Variants in PANK1 observed in about 807,000 individuals in gnomAD.
PANK1 encodes the protein pantothenate kinase 1, also known as pantothenic acid kinase 1.
Under a neutral mutation model 40.1 loss-of-function variants are expected in PANK1, and 18 were observed. The observed-to-expected ratio is 0.45, with a 90% CI of 0.31 to 0.67. PANK1 has a LOEUF of 0.67. PANK1 is among the 30% of genes least tolerant of loss of function. The pLI is 0.06. For missense variants in PANK1, 457 were observed against 599.6 expected, an observed-to-expected ratio of 0.76 and a Z score of 2.48; for synonymous variants, 242 against 237.7, an observed-to-expected ratio of 1.02 and a Z score of -0.17.
chr10:89,600,975 T>C (rs1844762757), intron 2 of PANK1, among the ~76,000 whole-genome samples: 1 of 152,210 alleles, frequency 6.6e-6, no homozygotes, highest in African/African-American at 2.4e-5. Flanking sequence ...GTTGGTACTA[T>C]CAACCTTATT....
chr10:89,589,496 A>G (rs1415920743), intron 5 of PANK1, among the ~76,000 whole-genome samples: 1 of 152,080 alleles, frequency 6.6e-6, no homozygotes, highest in Non-Finnish European at 1.5e-5. Flanking sequence ...GATATTTCTT[A>G]AGCTCAAACT....
chr10:89,602,248 G>A (rs985351604), intron 2 of PANK1, among the ~76,000 whole-genome samples: 5 of 152,088 alleles, frequency 3.3e-5, no homozygotes, highest in African/African-American at 7.3e-5. Flanking sequence ...AATAATCTAC[G>A]TACGTACTAG....
chr10:89,643,443 C>G (rs1842022566), intron 1 of PANK1, among the ~76,000 whole-genome samples: 1 of 152,170 alleles, frequency 6.6e-6, no homozygotes, highest in African/African-American at 2.4e-5. Flanking sequence ...ACAAATTTAA[C>G]ATTTCAAACC....
chr10:89,643,105 A>G (rs1842013372), intron 1 of PANK1, among the ~76,000 whole-genome samples: 1 of 152,190 alleles, frequency 6.6e-6, no homozygotes, highest in African/African-American at 2.4e-5. Flanking sequence ...GAGGTGTTAT[A>G]TCCTCAATTA....
chr10:89,642,928 C>A (rs2133040129), intron 1 of PANK1, among the ~76,000 whole-genome samples: 1 of 152,206 alleles, frequency 6.6e-6, no homozygotes, highest in South Asian at 2.1e-4. Context: ...GAAACATAAA[C>A]CACTTTAATT....
At chr10:89,618,988 A>G (rs1170615824) in intron 1 of PANK1, among the ~76,000 whole-genome samples, 1 of 152,216 alleles carries the variant, frequency 6.6e-6, no homozygotes, top group East Asian at 1.9e-4. Context: ...ATACCCCTAA[A>G]TCAAAATCCT....
chr10:89,588,742 G>C lies in PANK1; in HGVS notation c.1236C>G (p.Leu412=), dbSNP rs772539799. 5 of 1,602,964 alleles carry C rather than the reference G, an allele frequency of 3.1e-6. No individual in the cohort carries two copies. The highest frequency in any genetic ancestry group is 1.1e-5 in the South Asian group (1 of 88,916). The part of the protein sequence containing the change: ...IDRVVFVGNF[L]RINMVSMKLL... ...GCTTCATGGAGACCATATTGATTCTGAGAAAATTTCCAACAAACACAACTC... is the reference window on the plus strand; with the variant it reads ...GCTTCATGGAGACCATATTGATTCTCAGAAAATTTCCAACAAACACAACTC... Residue 412 remains leucine, a synonymous_variant, in exon 6 of 7, where the codon CTC becomes CTG. Coordinates refer to ENST00000307534, the MANE Select transcript of PANK1 (RefSeq NM_148977.3).
chr10:89,615,662 C>A (rs11185794), intron 1 of PANK1, among the ~76,000 whole-genome samples: 23,039 of 152,104 alleles, frequency 0.15, 2,176 homozygotes, highest in East Asian at 0.45. Context: ...CTCAGCTTCT[C>A]AAAGGAACTA....
chr10:89,580,780 G>A (rs760062302), downstream of PANK1: 1 of 152,098 alleles, frequency 6.6e-6, no homozygotes, highest in Non-Finnish European at 1.5e-5. Flanking sequence ...CCAGACACTG[G>A]CCTCTTTGCA....
At chr10:89,623,163 T>C (rs1310235186) in intron 1 of PANK1, among the ~76,000 whole-genome samples, 2 of 152,070 alleles carry the variant, frequency 1.3e-5, no homozygotes, top group Non-Finnish European at 2.9e-5. Flanking sequence ...GGATCATGGA[T>C]TGGGGTGATG....
chr10:89,643,451 A>T (rs1842022728), intron 1 of PANK1, among the ~76,000 whole-genome samples: 1 of 152,218 alleles, frequency 6.6e-6, no homozygotes, highest in Non-Finnish European at 1.5e-5. Context: ...AACATTTCAA[A>T]CCCACAAAAT....
At chr10:89,643,806 A>C in intron 1 of PANK1, 2 of 1,606,308 alleles carry the variant, frequency 1.2e-6, no homozygotes, top group Non-Finnish European at 8.5e-7. Context: ...ACAAATTTAC[A>C]TCCCACAGCG....
intron 3 of PANK1, 21 bp from the exon 4 acceptor site, chr10:89,594,010 AT>A: frequency 3.2e-6 from 5 of 1,581,260 alleles, no homozygotes; most frequent in Non-Finnish European, 4.3e-6. Context: ...AATAAGGTTT[AT>A]TTTTAAATTT....
chr10:89,630,496 TTTG>T lies in PANK1; in HGVS notation c.292+14101_292+14103del, dbSNP rs1304242036. Among the ~76,000 whole-genome samples the T allele has an allele frequency of 4.5e-3, 592 of 132,054 alleles. 2 individuals carry two copies. Among genetic ancestry groups the T allele is most frequent in the African/African-American group, 0.017 (538 of 31,880 alleles). 86.6% of individuals were successfully genotyped at this position (132,054 alleles called of 152,430 possible). ...TAGGTGATCTCTAATGTGCAGTTTT[TTTG>T]TTTTTTTTTTTGAGACGGAGTCTCG... is the stretch of plus-strand genomic sequence containing the variant. On this transcript the variant is annotated intron_variant, in intron 1 of 6. Coordinates refer to ENST00000307534, the MANE Select transcript of PANK1 (RefSeq NM_148977.3).
intron 2 of PANK1, among the ~76,000 whole-genome samples, chr10:89,605,047 A>G (rs1270870205): frequency 1.1e-4 from 16 of 150,598 alleles, no homozygotes; most frequent in Admixed American, 9.2e-4. Flanking sequence ...CACCAAGCCC[A>G]GCCTAGCATT....
chr10:89,616,782 G>A (rs1457344561), intron 1 of PANK1, among the ~76,000 whole-genome samples: 7 of 152,026 alleles, frequency 4.6e-5, no homozygotes, highest in Admixed American at 6.6e-5. Flanking sequence ...TTGGCCAGGC[G>A]TGCTGGTGGG....
At chr10:89,620,178 GT>G (rs2133977894) in intron 1 of PANK1, among the ~76,000 whole-genome samples, 1 of 152,282 alleles carries the variant, frequency 6.6e-6, no homozygotes, top group Admixed American at 6.5e-5. Context: ...AAACATGTGT[GT>G]TTGAACAATA....
chr10:89,590,118 T>C (rs17124306), intron 5 of PANK1, among the ~76,000 whole-genome samples: 10,101 of 149,702 alleles, frequency 0.067, 471 homozygotes, highest in Middle Eastern at 0.11. Context: ...AAGTAGAAAA[T>C]GCATAATAAA....
intron 1 of PANK1, among the ~76,000 whole-genome samples, chr10:89,627,690 T>C (rs1841516580): frequency 6.6e-6 from 1 of 152,176 alleles, no homozygotes; most frequent in South Asian, 2.1e-4. Context: ...GAAATCCACA[T>C]TGTCCTAAAA....
Sources: gnomAD v4.1 joint callset for allele counts (sites outside exome capture counted in the v4.1 genomes callset) on GRCh38, gnomAD v4.1.1 for gene constraint, MANE v1.5 for transcripts, NCBI Gene and HGNC (gene_info 2026-07-23, HGNC 2026-07-21) for gene names.